IL17RD: variants seen among roughly 807,000 people sequenced by gnomAD.
The protein encoded by IL17RD is interleukin-17 receptor D.
A neutral mutation model predicts 80.5 loss-of-function variants in IL17RD; 52 were observed. The observed-to-expected ratio is 0.65, with a 90% confidence interval of 0.52 to 0.81. The LOEUF is 0.81. Ranked by LOEUF, IL17RD falls within the 40% of genes least tolerant of loss-of-function variation. The probability of loss-of-function intolerance (pLI) is 0.00; values close to 1 mark genes in which losing one functional copy is unlikely to be tolerated. For missense variants in IL17RD, 1,024 were observed against 955.1 expected (o/e 1.07, Z -0.95); for synonymous variants, 416 against 391.8 (o/e 1.06, Z -0.73).
At chr3:57,132,757 C>T (rs1013122430) in intron 1 of IL17RD, among the ~76,000 whole-genome samples, 8 of 152,152 alleles carry the variant, frequency 5.3e-5, no homozygotes, top group Non-Finnish European at 1.5e-5. Context: ...ATGTCTGCAG[C>T]CAAGTCAGTT....
chr3:57,101,401 C>A, intron 10 of IL17RD, 38 bp from the exon 11 acceptor site: 3 of 1,354,554 alleles, frequency 2.2e-6, no homozygotes, highest in Non-Finnish European at 3.1e-6. Context: ...TACTTGCAAG[C>A]AACGCTTTGT....
intron 1 of IL17RD, among the ~76,000 whole-genome samples, chr3:57,156,497 C>T (rs1474913275): frequency 6.6e-6 from 1 of 152,064 alleles, no homozygotes; most frequent in African/African-American, 2.4e-5. Flanking sequence ...CCTAGGAGTT[C>T]AAGACTGCAA....
rs1157395323 is a variant in IL17RD at position 57,127,275 on chromosome 3, AAT to A, written c.127-6964_127-6963del. 8.3e-5 allele frequency among the ~76,000 whole-genome samples: 6 copies of A among 71,932 alleles called. 2 individuals are homozygous for A. Among genetic ancestry groups the A allele is most frequent in the South Asian group, 7.8e-4 (2 of 2,570 alleles). 47.2% of individuals were successfully genotyped at this position (71,932 alleles called of 152,430 possible). A position where few individuals can be genotyped will look rare whatever the true frequency, so the allele number is the denominator to read the frequency against. ...ATAAATATATATAAATATATATAAA[AAT>A]ATATATAAATATATATAAATATATA... On this transcript the variant is annotated intron_variant, in intron 1 of 12. Coordinates refer to ENST00000296318, the MANE Select transcript of IL17RD (RefSeq NM_017563.5).
intron 2 of IL17RD, among the ~76,000 whole-genome samples, chr3:57,119,281 G>A (rs1302895467): frequency 6.6e-6 from 1 of 152,026 alleles, no homozygotes. Context: ...GGACCCGGGA[G>A]GTGGAGCTTG....
intron 1 of IL17RD, among the ~76,000 whole-genome samples, chr3:57,149,003 T>C (rs1181171241): frequency 6.6e-6 from 1 of 152,168 alleles, no homozygotes; most frequent in African/African-American, 2.4e-5. Context: ...GATGGTGCTA[T>C]CTTTGGAGAA....
intron 1 of IL17RD, chr3:57,134,124 G>A: frequency 8.7e-6 from 5 of 577,920 alleles, no homozygotes; most frequent in South Asian, 3.5e-5. Context: ...TTTCGCTGCT[G>A]CGGCCACAGC....
chr3:57,090,854 C>T lies in IL17RD; in HGVS notation c.*5539G>A, dbSNP rs1706539178. On this transcript the variant is annotated 3_prime_UTR_variant, in exon 13 of 13. Coordinates refer to ENST00000296318, the MANE Select transcript of IL17RD (RefSeq NM_017563.5). ...TTCCTGAAATTTTATAGGATATAAACATCAGATATGCAGTCATAACTGTTT... is the reference window on the plus strand; with the variant it reads ...TTCCTGAAATTTTATAGGATATAAATATCAGATATGCAGTCATAACTGTTT... The T allele has an allele frequency of 1.3e-5, 2 of 152,302 alleles. No individual in the cohort carries two copies. Among genetic ancestry groups the T allele is most frequent in the African/African-American group, 2.4e-5 (1 of 41,574 alleles). 9.4% of individuals were successfully genotyped at this position (152,302 alleles called of 1,614,324 possible).
At chr3:57,113,700 G>A (rs966705530) in intron 3 of IL17RD, among the ~76,000 whole-genome samples, 2 of 151,894 alleles carry the variant, frequency 1.3e-5, no homozygotes, top group Non-Finnish European at 2.9e-5. Flanking sequence ...CACCATGCCC[G>A]GATAATTTTT....
intron 3 of IL17RD, among the ~76,000 whole-genome samples, chr3:57,114,369 T>C (rs1707165251): frequency 6.6e-6 from 1 of 152,216 alleles, no homozygotes; most frequent in Non-Finnish European, 1.5e-5. Context: ...GCCATGGGCT[T>C]TCTTGGCACT....
chr3:57,125,616 G>A (rs191855118), intron 1 of IL17RD, among the ~76,000 whole-genome samples: 7 of 152,302 alleles, frequency 4.6e-5, no homozygotes, highest in East Asian at 1.9e-4. Context: ...CTGGAGAAAG[G>A]TCACAGGTGG....
At chr3:57,147,592 G>A (rs1437968593) in intron 1 of IL17RD, among the ~76,000 whole-genome samples, 1 of 152,182 alleles carries the variant, frequency 6.6e-6, no homozygotes, top group African/African-American at 2.4e-5. Context: ...CCATCTGTAT[G>A]AAGATGTTCA....
chr3:57,164,702 G>T lies in IL17RD; in HGVS notation c.126+459C>A, dbSNP rs541436004. 2.1e-3 allele frequency among the ~76,000 whole-genome samples: 318 copies of T among 152,262 alleles called. 1 individual carries two copies. Among genetic ancestry groups the T allele is most frequent in the Non-Finnish European group, 3.3e-3 (226 of 67,994 alleles). Reference sequence around the variant, plus strand: ...CCCCGGTGCTCCAAGTCCCCTCTCCGGCCGCCCGGGCCTTAGCAGGGTTGT... The same window carrying T: ...CCCCGGTGCTCCAAGTCCCCTCTCCTGCCGCCCGGGCCTTAGCAGGGTTGT... On this transcript the variant is annotated intron_variant, in intron 1 of 12. Coordinates refer to ENST00000296318, the MANE Select transcript of IL17RD (RefSeq NM_017563.5).
At chr3:57,103,258 G>T in intron 8 of IL17RD, 113 bp from the exon 9 acceptor site, 2 of 876,322 alleles carry the variant, frequency 2.3e-6, no homozygotes, top group East Asian at 2.7e-5. Flanking sequence ...GCGGGAAGGG[G>T]TGGGAAGCAA....
At chr3:57,167,795 A>T (rs138900745), upstream of IL17RD, among the ~76,000 whole-genome samples, 1 of 152,236 alleles carries the variant, frequency 6.6e-6, no homozygotes, top group African/African-American at 2.4e-5. Flanking sequence ...AATGAGGTAG[A>T]TCATGTTCCT....
intron 11 of IL17RD, 46 bp from the exon 12 acceptor site, chr3:57,098,584 G>T (rs376765061): frequency 7.6e-7 from 1 of 1,322,826 alleles, no homozygotes; most frequent in South Asian, 1.4e-5. Context: ...GGCTCGGGAA[G>T]AGGCTCGGGA....
At chr3:57,134,619 C>A in intron 1 of IL17RD, 1 of 896,594 alleles carries the variant, frequency 1.1e-6, no homozygotes, top group South Asian at 1.3e-5. Context: ...GGCTAAGGCC[C>A]GCAGGTCTAA....
intron 3 of IL17RD, among the ~76,000 whole-genome samples, chr3:57,110,877 TCATGCCTGAAAGG>T (rs1348701306): frequency 3.3e-5 from 5 of 152,248 alleles, no homozygotes; most frequent in Non-Finnish European, 5.9e-5. Flanking sequence ...CTTGCTCTAA[TCATGCCTGAAAGG>T]CAGACACCCA....
upstream of IL17RD, chr3:57,165,361 G>A: frequency 2.6e-6 from 3 of 1,137,594 alleles, no homozygotes; most frequent in Non-Finnish European, 3.3e-6. Flanking sequence ...AGTGGGCGGT[G>A]GCCGCGGCGG....
intron 1 of IL17RD, among the ~76,000 whole-genome samples, chr3:57,135,108 AAAACAAACAAAAACAAAC>A (rs919351308): frequency 4.7e-5 from 7 of 150,262 alleles, no homozygotes; most frequent in Non-Finnish European, 1.0e-4. Flanking sequence ...ACCTTGTCTC[AAAACAAACAAAAACAAAC>A]AAACAAACAA....
Sources: gnomAD v4.1 joint callset for allele counts (sites outside exome capture counted in the v4.1 genomes callset) on GRCh38, gnomAD v4.1.1 for gene constraint, MANE v1.5 for transcripts, NCBI Gene and HGNC (gene_info 2026-07-23, HGNC 2026-07-21) for gene names.